The following CACNA1B variants were observed in gnomAD, a reference collection of about 807,000 sequenced individuals.
CACNA1B encodes voltage-dependent N-type calcium channel subunit alpha-1B.
A neutral mutation model predicts 247.2 loss-of-function variants in CACNA1B; 70 were observed. The observed-to-expected ratio is 0.28, with a 90% CI of 0.23 to 0.35. The LOEUF (loss-of-function observed/expected upper bound fraction) is 0.35. CACNA1B is among the 10% of genes least tolerant of loss of function. The probability of loss-of-function intolerance (pLI) is 1.00; values close to 1 mark genes in which losing one functional copy is unlikely to be tolerated. For missense variants in CACNA1B, 2,367 were observed against 3,197.4 expected, an observed-to-expected ratio of 0.74 and a Z score of 6.26; for synonymous variants, 1,231 against 1,294.4, an observed-to-expected ratio of 0.95 and a Z score of 1.05.
rs532553329 is a variant in CACNA1B at position 138,012,713 on chromosome 9, C to G, written c.2161-416C>G. Among the ~76,000 whole-genome samples, 1 of 145,468 alleles carries G rather than the reference C, an allele frequency of 6.9e-6. No individual in the cohort carries two copies. Among genetic ancestry groups the G allele is most frequent in the Admixed American group, 6.8e-5 (1 of 14,640 alleles). ...TGGGTGACAGAGCGAGACCCTGTCT[C>G]TAAAAAAAAAAAAAACAAATAACAA... On this transcript the variant is annotated intron_variant, in intron 17 of 46. Coordinates refer to ENST00000371372, the MANE Select transcript of CACNA1B (RefSeq NM_000718.4). This position sits in a 1 kb window ranked among gnomAD's most constrained non-coding sequence, Gnocchi z 4.2.
intron 3 of CACNA1B, among the ~76,000 whole-genome samples, chr9:137,902,476 G>A (rs965700008): frequency 1.3e-5 from 2 of 152,142 alleles, no homozygotes; most frequent in East Asian, 1.9e-4. Context: ...TGTTAAGTTC[G>A]CATGTGTGTG....
intron 20 of CACNA1B, among the ~76,000 whole-genome samples, chr9:138,036,998 G>A (rs1186063220): frequency 2.6e-5 from 4 of 152,138 alleles, no homozygotes; most frequent in South Asian, 2.1e-4. Flanking sequence ...TTTGAGTCAG[G>A]ATTCAAATGA....
intron 15 of CACNA1B, among the ~76,000 whole-genome samples, chr9:138,000,826 G>A (rs2133403231): frequency 6.6e-6 from 1 of 152,236 alleles, no homozygotes; most frequent in East Asian, 1.9e-4. Context: ...AAATCTCATG[G>A]CATAAAGCTT....
intron 3 of CACNA1B, among the ~76,000 whole-genome samples, chr9:137,900,139 G>T: frequency 6.6e-6 from 1 of 152,222 alleles, no homozygotes; most frequent in South Asian, 2.1e-4. Context: ...ACTGGGGTGT[G>T]CCCCAGAAGC....
In CACNA1B at chr9:138,049,205, C is replaced by G. The variant is rs779569670; in HGVS notation, c.3604-4C>G. The G allele has an allele frequency of 3.8e-6, 6 of 1,587,836 alleles. No individual in the cohort carries two copies. In the Admixed American group the frequency reaches 8.3e-5, roughly 22 times the overall value. On this transcript the variant is annotated splice_region_variant and splice_polypyrimidine_tract_variant and intron_variant, in intron 23 of 46. Transcript: ENST00000371372. ...CGTATCTAACGTGTGTTTCTCCCTCCTAGATGATCGACTTGGGACTGCTGC... is the reference window on the plus strand; with the variant it reads ...CGTATCTAACGTGTGTTTCTCCCTCGTAGATGATCGACTTGGGACTGCTGC...
At chr9:138,103,647 C>CTT (rs1203843546) in intron 38 of CACNA1B, among the ~76,000 whole-genome samples, 2 of 152,220 alleles carry the variant, frequency 1.3e-5, no homozygotes, top group Non-Finnish European at 2.9e-5. Flanking sequence ...CTTCGTTCCC[C>CTT]CAGCACCCAC....
At chr9:137,909,460 T>G (rs1260055917) in intron 3 of CACNA1B, among the ~76,000 whole-genome samples, 1 of 152,210 alleles carries the variant, frequency 6.6e-6, no homozygotes, top group Non-Finnish European at 1.5e-5. Flanking sequence ...TATTTGCCCT[T>G]TTGTGTCTGG....
chr9:137,968,866 T>C (rs191438047), intron 10 of CACNA1B, among the ~76,000 whole-genome samples: 315 of 152,360 alleles, frequency 2.1e-3, no homozygotes, highest in Non-Finnish European at 3.9e-3. Context: ...AATTTCTCCC[T>C]AGCTTGAAGA....
intron 36 of CACNA1B, among the ~76,000 whole-genome samples, chr9:138,085,412 T>C (rs998807724): frequency 6.6e-6 from 1 of 150,896 alleles, no homozygotes; most frequent in Non-Finnish European, 1.5e-5. Flanking sequence ...CAAAAAAATA[T>C]TTTATGGGTG....
In CACNA1B at chr9:137,888,479, C is replaced by T. The variant is rs1957049332; in HGVS notation, c.530+5596C>T. On this transcript the variant is annotated intron_variant, in intron 3 of 46. Coordinates refer to ENST00000371372, the MANE Select transcript of CACNA1B (RefSeq NM_000718.4). The surrounding 1 kb of genome is among the most constrained non-coding windows in gnomAD (Gnocchi z 4.7). ...CTGCGCGTCCCCACCCCTGTTGTGG[C>T]TCCAGCCTGGTGCTACCCTCCATGG... is the stretch of plus-strand genomic sequence containing the variant. Among the ~76,000 whole-genome samples the T allele has an allele frequency of 6.6e-6, 1 of 152,250 alleles. No homozygotes were observed.
rs1176471141 is a variant in CACNA1B, at chr9:138,114,455, G to A, written c.5614G>A (p.Asp1872Asn). The A allele has an allele frequency of 1.3e-6, 2 of 1,588,594 alleles. No individual in the cohort carries two copies. Among genetic ancestry groups the A allele is most frequent in the Non-Finnish European group, 1.7e-6 (2 of 1,166,794 alleles). Residue 1872 changes from aspartate to asparagine, a missense_variant, in exon 41 of 47, where the codon GAC becomes AAC. This residue lies in a region of CACNA1B where 773 missense variants were observed against 779.4 expected (regional missense o/e 0.99). Coordinates refer to ENST00000371372, the MANE Select transcript of CACNA1B (RefSeq NM_000718.4). ...DFYKQNKTTR[D>N]QMQQAPGGLS... ...CTACAAGCAGAACAAAACCACCAGA[G>A]ACCAGATGCAGCAGGCTCCTGGAGG...
chr9:138,009,727 G>A (rs907945428), intron 16 of CACNA1B, among the ~76,000 whole-genome samples: 4 of 152,212 alleles, frequency 2.6e-5, no homozygotes, highest in Non-Finnish European at 4.4e-5. Flanking sequence ...GCCCGAAAGA[G>A]CTGGGTTGGG....
Position 137,998,978 on chromosome 9 carries a change from A to G in CACNA1B, c.1975-7789A>G, listed in dbSNP as rs150782032. ...CTTGGAACATTTGCAGACTTTGACC[A>G]TTTATTAGGTCACTCAGGAAACTTC... On this transcript the variant is annotated intron_variant, in intron 15 of 46. Transcript: ENST00000371372. Among the ~76,000 whole-genome samples the G allele has an allele frequency of 3.2e-4, 49 of 152,274 alleles. No individual in the cohort carries two copies. In the East Asian group the frequency reaches 9.1e-3, roughly 28 times the overall value.
At position 138,010,906 on chromosome 9, in the gene CACNA1B, T is replaced by C. The variant is rs1456356717; in HGVS notation, c.2160+829T>C. On this transcript the variant is annotated intron_variant, in intron 17 of 46. Transcript: ENST00000371372. This position sits in a 1 kb window ranked among gnomAD's most constrained non-coding sequence, Gnocchi z 5.3. ...GATTTCTGTCCATGGGCAGCAGAGA[T>C]GCAGGTGTGCCACAGAGCTTCTCCA... is the stretch of plus-strand genomic sequence containing the variant. Among the ~76,000 whole-genome samples the C allele has an allele frequency of 1.3e-5, 2 of 152,178 alleles. No homozygotes were observed. The highest frequency in any genetic ancestry group is 4.8e-5 in the African/African-American group (2 of 41,446).
chr9:138,057,847 T>C lies in CACNA1B; in HGVS notation c.4084T>C (p.Ser1362Pro). 6.2e-7 allele frequency: 1 copy of C among 1,606,556 alleles called. No homozygotes were observed. ...LWALLTLFTV[S>P]TGEGWPMVLK... ...GGCTCTGCTGACGCTGTTCACAGTGTCCACGGGAGAAGGCTGGCCCATGTG... is the reference window on the plus strand; with the variant it reads ...GGCTCTGCTGACGCTGTTCACAGTGCCCACGGGAGAAGGCTGGCCCATGTG... The change falls in exon 27 of 47, where the codon TCC becomes CCC. Residue 1362 changes from serine (S) to proline (P), a missense_variant. By Grantham distance (74) the Ser-to-Pro change is moderately conservative (BLOSUM62 -1). Transcript: ENST00000371372. This position sits in a 1 kb window ranked among gnomAD's most constrained non-coding sequence, Gnocchi z 4.0.
At chr9:138,085,967 G>A (rs989431376) in intron 36 of CACNA1B, among the ~76,000 whole-genome samples, 2 of 151,068 alleles carry the variant, frequency 1.3e-5, no homozygotes, top group Admixed American at 6.6e-5. Context: ...TATAAAACTC[G>A]CTGGTAGAGT....
intron 6 of CACNA1B, among the ~76,000 whole-genome samples, chr9:137,927,265 CAG>C (rs1957562261): frequency 7.2e-6 from 1 of 138,066 alleles, no homozygotes; most frequent in Non-Finnish European, 1.5e-5. Context: ...TTTTTTGAGA[CAG>C]AGTTTTGTTC....
At chr9:138,093,766 A>T (rs987721529) in intron 36 of CACNA1B, among the ~76,000 whole-genome samples, 1 of 152,188 alleles carries the variant, frequency 6.6e-6, no homozygotes, top group East Asian at 1.9e-4. Flanking sequence ...AATTAATTAA[A>T]TTAATTAATA....
chr9:138,077,577 G>T (rs541589115), intron 35 of CACNA1B, among the ~76,000 whole-genome samples: 1 of 152,232 alleles, frequency 6.6e-6, no homozygotes, highest in African/African-American at 2.4e-5. Flanking sequence ...GCTTCCTGCC[G>T]TGTAGGGCAG....
Sources: gnomAD v4.1 joint callset for allele counts (sites outside exome capture counted in the v4.1 genomes callset) on GRCh38, gnomAD v4.1.1 for gene constraint, gnomAD v4.1.1 regional missense constraint, Gnocchi (gnomAD v3.1) non-coding constraint, MANE v1.5 for transcripts, NCBI Gene and HGNC (gene_info 2026-07-23, HGNC 2026-07-21) for gene names.